SHISA9: variants seen among roughly 807,000 people sequenced by gnomAD.
SHISA9 encodes the protein protein shisa-9.
Under a neutral mutation model 38.0 loss-of-function variants are expected in SHISA9, and 13 were observed. The ratio of observed to expected loss-of-function variants is 0.34; its 90% CI spans 0.22 to 0.54. SHISA9 has a LOEUF of 0.54. Among genes scored for constraint, SHISA9 ranks in the 20% least tolerant of loss-of-function variants. The pLI is 0.91. For synonymous variants in SHISA9, 275 were observed against 242.0 expected, an observed-to-expected ratio of 1.14 and a Z score of -1.27; for missense variants, 538 against 575.8, an observed-to-expected ratio of 0.93 and a Z score of 0.67.
At chr16:13,014,383 T>C (rs890334751) in intron 2 of SHISA9, among the ~76,000 whole-genome samples, 1 of 152,216 alleles carries the variant, frequency 6.6e-6, no homozygotes, top group East Asian at 1.9e-4. Flanking sequence ...CTTTTTGTTT[T>C]TTCTGAGCCC....
chr16:13,229,399 G>A (rs996650292), intron 4 of SHISA9, among the ~76,000 whole-genome samples: 2 of 152,174 alleles, frequency 1.3e-5, no homozygotes, highest in African/African-American at 2.4e-5. Context: ...CAGGGGAGAG[G>A]CAGCTGGGCA....
the SHISA9 span, among the ~76,000 whole-genome samples, chr16:13,484,449 G>C: frequency 1.3e-5 from 2 of 152,114 alleles, no homozygotes; most frequent in Non-Finnish European, 2.9e-5. Flanking sequence ...ATAACTGGTG[G>C]TCTTCCTCCT....
the SHISA9 span, among the ~76,000 whole-genome samples, chr16:13,305,080 T>A: frequency 6.6e-6 from 1 of 152,210 alleles, no homozygotes; most frequent in Non-Finnish European, 1.5e-5. Context: ...TTAGAATATT[T>A]GCATATACAT....
intron 2 of SHISA9, among the ~76,000 whole-genome samples, chr16:12,975,690 C>A (rs1010128973): frequency 1.9e-4 from 28 of 149,898 alleles, no homozygotes; most frequent in South Asian, 2.1e-4. Context: ...ATGAATAGGC[C>A]TGGCCTAATC....
intron 2 of SHISA9, among the ~76,000 whole-genome samples, chr16:13,120,570 C>T (rs905580361): frequency 3.9e-5 from 6 of 152,146 alleles, no homozygotes; most frequent in African/African-American, 1.2e-4. Context: ...CAAAACAAGG[C>T]GTGAAAACAC....
At chr16:13,431,994 G>C in the SHISA9 span, among the ~76,000 whole-genome samples, 1 of 152,226 alleles carries the variant, frequency 6.6e-6, no homozygotes, top group Admixed American at 6.5e-5. Context: ...CCCGGAGGCA[G>C]AGGTTGCAGT....
At chr16:13,551,863 C>T in the SHISA9 span, among the ~76,000 whole-genome samples, 1 of 152,122 alleles carries the variant, frequency 6.6e-6, no homozygotes, top group African/African-American at 2.4e-5. Flanking sequence ...CCCGTCTCTA[C>T]TGAAAACGCA....
At chr16:12,983,543 C>T (rs1043553436) in intron 2 of SHISA9, among the ~76,000 whole-genome samples, 2 of 152,172 alleles carry the variant, frequency 1.3e-5, no homozygotes, top group Non-Finnish European at 2.9e-5. Context: ...GGCTGGAGTG[C>T]AGTGGCACAA....
the SHISA9 span, among the ~76,000 whole-genome samples, chr16:13,383,156 A>G: frequency 6.6e-6 from 1 of 152,198 alleles, no homozygotes; most frequent in Non-Finnish European, 1.5e-5. Context: ...AATGAATTAA[A>G]AGTAGAAAGA....
intron 2 of SHISA9, among the ~76,000 whole-genome samples, chr16:13,169,922 G>T (rs776345610): frequency 6.6e-6 from 1 of 152,096 alleles, no homozygotes; most frequent in Non-Finnish European, 1.5e-5. Context: ...ACATGTTCAG[G>T]CCGGGTGCGG....
the SHISA9 span, among the ~76,000 whole-genome samples, chr16:13,465,759 C>T: frequency 6.6e-6 from 1 of 152,228 alleles, no homozygotes; most frequent in Admixed American, 6.5e-5. Context: ...CCCCCCTCTA[C>T]CTCTCCAGAA....
intron 2 of SHISA9, among the ~76,000 whole-genome samples, chr16:13,042,622 T>A (rs2073145319): frequency 6.6e-6 from 1 of 152,172 alleles, no homozygotes; most frequent in Non-Finnish European, 1.5e-5. Flanking sequence ...GGTCCTTTGG[T>A]GTCTAGAATG....
chr16:13,029,742 A>G (rs1465653128), intron 2 of SHISA9, among the ~76,000 whole-genome samples: 1 of 152,268 alleles, frequency 6.6e-6, no homozygotes, highest in African/African-American at 2.4e-5. Context: ...TGGGATCTGA[A>G]AATAAAAACA....
chr16:13,251,668 G>A, the SHISA9 span, among the ~76,000 whole-genome samples: 1 of 152,122 alleles, frequency 6.6e-6, no homozygotes, highest in Non-Finnish European at 1.5e-5. Flanking sequence ...CCTTGAGGTT[G>A]GCTTTTCATC....
chr16:13,514,993 T>C, the SHISA9 span, among the ~76,000 whole-genome samples: 1 of 152,180 alleles, frequency 6.6e-6, no homozygotes, highest in South Asian at 2.1e-4. Context: ...AAAATAATTA[T>C]AGCAATCTTG....
At chr16:13,501,568 C>G in the SHISA9 span, among the ~76,000 whole-genome samples, 1 of 152,198 alleles carries the variant, frequency 6.6e-6, no homozygotes, top group South Asian at 2.1e-4. Context: ...TAATTACATA[C>G]TTTTAACATT....
chr16:13,234,215 A>G (rs1362508129), intron 4 of SHISA9, among the ~76,000 whole-genome samples: 2 of 152,212 alleles, frequency 1.3e-5, no homozygotes, highest in African/African-American at 2.4e-5. Context: ...TACACATGAA[A>G]ATCCTGTTTA....
chr16:12,909,623 T>G, intron 1 of SHISA9: 1 of 984,994 alleles, frequency 1.0e-6, no homozygotes, highest in Non-Finnish European at 1.2e-6. Context: ...TGGTCCCTCC[T>G]CATCACCAGG....
chr16:13,559,635 G>T, the SHISA9 span, among the ~76,000 whole-genome samples: 2 of 151,838 alleles, frequency 1.3e-5, no homozygotes, highest in African/African-American at 4.8e-5. Context: ...CTCCCACCTC[G>T]GCCTCCCAAA....
Sources: gnomAD v4.1 joint callset for allele counts (sites outside exome capture counted in the v4.1 genomes callset) on GRCh38, gnomAD v4.1.1 for gene constraint, MANE v1.5 for transcripts, NCBI Gene and HGNC (gene_info 2026-07-23, HGNC 2026-07-21) for gene names.